Variants in PRPF18 observed in about 807,000 individuals in gnomAD.
PRPF18 encodes pre-mRNA-splicing factor 18.
A neutral mutation model predicts 46.5 loss-of-function variants in PRPF18; 38 were observed. The observed-to-expected ratio is 0.82, with a 90% CI of 0.63 to 1.07. The LOEUF (loss-of-function observed/expected upper bound fraction) is 1.07, where lower values mean the gene tolerates loss of function less well. Ranked by LOEUF, PRPF18 falls within the 50% of genes least tolerant of loss-of-function variation. PRPF18 has a pLI of 0.00. For missense variants in PRPF18, 263 were observed against 410.0 expected, an observed-to-expected ratio of 0.64 and a Z score of 3.10; for synonymous variants, 152 against 146.7, an observed-to-expected ratio of 1.04 and a Z score of -0.26.
chr10:13,640,691 C>G, the PRPF18 span: 1 of 152,502 alleles, frequency 6.6e-6, no homozygotes, highest in East Asian at 1.9e-4. Flanking sequence ...CAGTCTGGAT[C>G]CCATTACCAT....
At chr10:13,626,556 C>T (rs887160205) in intron 9 of PRPF18, among the ~76,000 whole-genome samples, 3 of 152,108 alleles carry the variant, frequency 2.0e-5, no homozygotes, top group Non-Finnish European at 4.4e-5. Flanking sequence ...CGTGTGCGTG[C>T]ATATGTGGGG....
chr10:13,594,455 A>T (rs1051108336), intron 1 of PRPF18, among the ~76,000 whole-genome samples: 2 of 152,210 alleles, frequency 1.3e-5, no homozygotes, highest in Admixed American at 6.5e-5. Context: ...TTTCTTAAAG[A>T]TCAGTTGCAA....
At chr10:13,606,841 C>T (rs1274515109) in intron 4 of PRPF18, among the ~76,000 whole-genome samples, 4 of 149,860 alleles carry the variant, frequency 2.7e-5, no homozygotes, top group African/African-American at 9.8e-5. Flanking sequence ...AAATAGGTCT[C>T]TTGGGGAGAT....
At chr10:13,623,634 C>T (rs1179636355) in intron 9 of PRPF18, among the ~76,000 whole-genome samples, 1 of 152,090 alleles carries the variant, frequency 6.6e-6, no homozygotes, top group Non-Finnish European at 1.5e-5. Flanking sequence ...AAAATATCTT[C>T]CTCAAGTTCT....
chr10:13,624,529 C>T (rs1483176433), intron 9 of PRPF18, among the ~76,000 whole-genome samples: 1 of 152,172 alleles, frequency 6.6e-6, no homozygotes, highest in Non-Finnish European at 1.5e-5. Flanking sequence ...CCAAGTGGGG[C>T]TCCCCGCCCT....
At chr10:13,634,336 C>A (rs2080616273), downstream of PRPF18, among the ~76,000 whole-genome samples, 1 of 152,188 alleles carries the variant, frequency 6.6e-6, no homozygotes, top group Non-Finnish European at 1.5e-5. Context: ...CTTTTTCTCA[C>A]AGTGTTCAAG....
In PRPF18 at chr10:13,586,968, T is replaced by C. The variant is rs937994663; in HGVS notation, c.-119T>C. ...TCCGCCGGAAGCGGCTCCTGTCAGT[T>C]GTTCTCAGGTGTTTGGGCTTGTTGT... On this transcript the variant is annotated 5_prime_UTR_variant, in exon 1 of 10. Transcript: ENST00000378572. 9.6e-7 allele frequency: 1 copy of C among 1,038,996 alleles called. No individual in the cohort carries two copies. The highest frequency in any genetic ancestry group is 1.5e-6 in the Non-Finnish European group (1 of 664,812). The allele number at this position is 1,038,996 out of a possible 1,614,324, so 64.4% of individuals were successfully genotyped here.
At chr10:13,654,996 TTC>T in the PRPF18 span, 1 of 161,730 alleles carries the variant, frequency 6.2e-6, no homozygotes, top group Non-Finnish European at 1.4e-5. Context: ...TCCAGAAAGG[TTC>T]TCAGAGCCTG....
chr10:13,586,986 C>G lies in PRPF18; in HGVS notation c.-101C>G. The G allele has an allele frequency of 1.6e-6, 2 of 1,222,966 alleles. No individual in the cohort carries two copies. Among genetic ancestry groups the G allele is most frequent in the Non-Finnish European group, 2.4e-6 (2 of 825,876 alleles). 75.8% of individuals were successfully genotyped at this position (1,222,966 alleles called of 1,614,324 possible). ...TGTCAGTTGTTCTCAGGTGTTTGGG[C>G]TTGTTGTTCCGTATACTCAGTGGGT... On this transcript the variant is annotated 5_prime_UTR_variant, in exon 1 of 10. Coordinates refer to ENST00000378572, the MANE Select transcript of PRPF18 (RefSeq NM_003675.4).
chr10:13,616,400 A>G lies in PRPF18; in HGVS notation c.795A>G (p.Ala265=), dbSNP rs2080342308. The part of the protein sequence containing the change: ...KFMLQREYVK[A]NDAYLQMAIG... ...TTCTTCTTACACTTTCCTTTCAGGC[A>G]AATGATGCTTATCTTCAGATGGCCA... is the stretch of plus-strand genomic sequence containing the variant. The change falls in exon 9 of 10, where the codon GCA becomes GCG. Residue 265 remains alanine, a splice_region_variant and synonymous_variant. Coordinates refer to ENST00000378572, the MANE Select transcript of PRPF18 (RefSeq NM_003675.4). The G allele has an allele frequency of 6.2e-7, 1 of 1,604,374 alleles. No homozygotes were observed. Among genetic ancestry groups the G allele is most frequent in the Non-Finnish European group, 8.5e-7 (1 of 1,174,304 alleles).
At chr10:13,609,288 C>T (rs954329955) in intron 4 of PRPF18, among the ~76,000 whole-genome samples, 8 of 152,178 alleles carry the variant, frequency 5.3e-5, no homozygotes, top group African/African-American at 1.9e-4. Context: ...TACAGCCCTA[C>T]GTAGTAGATG....
At chr10:13,618,950 A>G (rs2080386553) in intron 9 of PRPF18, among the ~76,000 whole-genome samples, 2 of 152,228 alleles carry the variant, frequency 1.3e-5, no homozygotes, top group Admixed American at 1.3e-4. Flanking sequence ...GACTGGTTTC[A>G]TGGAAGAGCA....
intron 9 of PRPF18, among the ~76,000 whole-genome samples, chr10:13,628,063 G>A (rs1308134938): frequency 6.6e-6 from 1 of 152,164 alleles, no homozygotes; most frequent in Admixed American, 6.5e-5. Context: ...TTCACAGCAG[G>A]ATAAGCTGGA....
intron 9 of PRPF18, among the ~76,000 whole-genome samples, chr10:13,623,525 C>T (rs952200423): frequency 6.6e-6 from 1 of 152,142 alleles, no homozygotes; most frequent in Non-Finnish European, 1.5e-5. Flanking sequence ...GTGCTTTCCT[C>T]TTTAAGGCTT....
the PRPF18 span, chr10:13,646,160 C>CTCT: frequency 6.6e-6 from 1 of 152,562 alleles, no homozygotes; most frequent in Non-Finnish European, 1.5e-5. Flanking sequence ...TTTTCAGGCT[C>CTCT]TCTACGGAGA....
chr10:13,629,754 A>C (rs957961597), intron 9 of PRPF18, among the ~76,000 whole-genome samples: 1 of 152,220 alleles, frequency 6.6e-6, no homozygotes, highest in African/African-American at 2.4e-5. Flanking sequence ...TGACCACAGA[A>C]CACAGAAAAT....
chr10:13,622,771 G>A (rs1001259801), intron 9 of PRPF18, among the ~76,000 whole-genome samples: 3 of 152,048 alleles, frequency 2.0e-5, no homozygotes, highest in East Asian at 1.9e-4. Context: ...ACTTACAGTG[G>A]GCTTCTTATT....
intron 3 of PRPF18, among the ~76,000 whole-genome samples, chr10:13,600,641 T>C (rs1421966229): frequency 6.6e-6 from 1 of 152,204 alleles, no homozygotes; most frequent in African/African-American, 2.4e-5. Flanking sequence ...ACTTAAATTA[T>C]TTTAATTATT....
At chr10:13,611,822 T>C in intron 6 of PRPF18, 139 bp downstream of exon 6, 1 of 665,136 alleles carries the variant, frequency 1.5e-6, no homozygotes, top group Non-Finnish European at 2.6e-6. Flanking sequence ...GTTTATGATA[T>C]CACTATGCAC....
Sources: allele counts gnomAD v4.1 joint callset (sites outside exome capture counted in the v4.1 genomes callset), GRCh38; gene constraint gnomAD v4.1.1; transcripts MANE v1.5; gene names NCBI Gene and HGNC (gene_info 2026-07-23, HGNC 2026-07-21).